The following AP1G1 variants were observed in gnomAD, a reference collection of about 807,000 sequenced individuals.
AP1G1 encodes the protein AP-1 complex subunit gamma-1.
In AP1G1, 7 loss-of-function variants were observed where a neutral mutation model predicts 108.3. The observed-to-expected ratio is 0.06, with a 90% CI of 0.04 to 0.12. The LOEUF (loss-of-function observed/expected upper bound fraction) is 0.12. AP1G1 is among the 10% of genes least tolerant of loss of function. The pLI is 1.00. For missense variants in AP1G1, 756 were observed against 1,010.7 expected (o/e 0.75, Z 3.42); for synonymous variants, 379 against 353.5 (o/e 1.07, Z -0.81).
intron 1 of AP1G1, among the ~76,000 whole-genome samples, chr16:71,798,019 G>A (rs934396542): frequency 1.6e-4 from 24 of 152,084 alleles, no homozygotes; most frequent in African/African-American, 5.6e-4. Context: ...AATAAAATAC[G>A]TAGGAATAAA....
At chr16:71,772,919 T>C in intron 4 of AP1G1, 1 of 412,644 alleles carries the variant, frequency 2.4e-6, no homozygotes, top group Non-Finnish European at 4.6e-6. Flanking sequence ...GTATTAATTA[T>C]TAGGACAAAA....
chr16:71,808,408 C>T (rs1271329658), intron 1 of AP1G1: 1 of 1,087,374 alleles, frequency 9.2e-7, no homozygotes, highest in Non-Finnish European at 1.2e-6. Flanking sequence ...AGAGAAGACA[C>T]GCGGGGGTGG....
chr16:71,760,464 G>A, intron 10 of AP1G1, among the ~76,000 whole-genome samples: 1 of 150,766 alleles, frequency 6.6e-6, no homozygotes, highest in Non-Finnish European at 1.5e-5. Flanking sequence ...AGAATCGCTT[G>A]AACTCGGGAG....
intron 2 of AP1G1, among the ~76,000 whole-genome samples, chr16:71,779,122 A>G (rs1445714211): frequency 6.6e-6 from 1 of 152,204 alleles, no homozygotes; most frequent in Admixed American, 6.5e-5. Context: ...CTAGTCAGCC[A>G]TTAGCAACAA....
rs766177044 is a variant in AP1G1 at position 71,758,947 on chromosome 16, A to C, written c.975-26T>G. On this transcript the variant is annotated intron_variant, in intron 10 of 22. Transcript: ENST00000299980. ...CTGGATGAAACAGTTGCAAAATAAC[A>C]GAGTTAAAATGTAAAATTCAGGATA... 3 of 1,350,802 alleles carry C rather than the reference A, an allele frequency of 2.2e-6. No homozygotes were observed. The African/African-American group carries it at 4.4e-5, about 20-fold the overall frequency. The allele number at this position is 1,350,802 out of a possible 1,614,324, so 83.7% of individuals were successfully genotyped here.
At chr16:71,768,015 C>A in intron 6 of AP1G1, 7 of 1,006,214 alleles carry the variant, frequency 7.0e-6, no homozygotes, top group Admixed American at 4.6e-5. Flanking sequence ...GGAAAAAAAG[C>A]CAAAAAAGAA....
chr16:71,740,373 T>C (rs765859475), intron 19 of AP1G1, among the ~76,000 whole-genome samples: 2 of 152,190 alleles, frequency 1.3e-5, no homozygotes, highest in Admixed American at 1.3e-4. Flanking sequence ...TCTTCCCCAG[T>C]TGAGAACCGA....
chr16:71,808,339 G>A (rs1011833995), intron 1 of AP1G1: 8 of 781,274 alleles, frequency 1.0e-5, no homozygotes, highest in African/African-American at 7.4e-5. Context: ...TGGATATGCT[G>A]GGAGTTATCT....
chr16:71,742,040 A>G (rs1196179801), intron 19 of AP1G1, among the ~76,000 whole-genome samples: 7 of 152,236 alleles, frequency 4.6e-5, no homozygotes, highest in Non-Finnish European at 1.0e-4. Context: ...TAAGAAATCT[A>G]GAATTCAAAA....
rs1228985274 is a variant in AP1G1 at position 71,769,714 on chromosome 16, C to G, written c.566-15G>C. ...GTGGAGGACACCTGAAAGAAAAGATCAAAGGAAAACTAAAAATGAGGCCTA... is the reference window on the plus strand; with the variant it reads ...GTGGAGGACACCTGAAAGAAAAGATGAAAGGAAAACTAAAAATGAGGCCTA... On this transcript the variant is annotated splice_polypyrimidine_tract_variant and intron_variant, in intron 5 of 22. Coordinates refer to ENST00000299980, the MANE Select transcript of AP1G1 (RefSeq NM_001128.6). 1 of 1,603,760 alleles carries G rather than the reference C, an allele frequency of 6.2e-7. No individual in the cohort carries two copies. The highest frequency in any genetic ancestry group is 1.7e-5 in the Admixed American group (1 of 59,780).
rs2031245464 is a variant in AP1G1, at chr16:71,764,788, G to A, written c.739-62C>T. 6.6e-6 allele frequency: 7 copies of A among 1,060,632 alleles called. No individual in the cohort carries two copies. In the South Asian group the frequency reaches 9.9e-5, roughly 15 times the overall value. 65.7% of individuals were successfully genotyped at this position (1,060,632 alleles called of 1,614,324 possible). A position where few individuals can be genotyped will look rare whatever the true frequency, so the allele number is the denominator to read the frequency against. Reference sequence around the variant, plus strand: ...GTCTCACACAAAGAAATCTCACTTGGTATGAAATTCAAATAACTAAATGAA... The same window carrying A: ...GTCTCACACAAAGAAATCTCACTTGATATGAAATTCAAATAACTAAATGAA... On this transcript the variant is annotated intron_variant, in intron 7 of 22. Coordinates refer to ENST00000299980, the MANE Select transcript of AP1G1 (RefSeq NM_001128.6).
chr16:71,799,202 T>C (rs746491516), intron 1 of AP1G1, among the ~76,000 whole-genome samples: 17 of 152,164 alleles, frequency 1.1e-4, no homozygotes, highest in Non-Finnish European at 1.8e-4. Context: ...TACTGCTATT[T>C]GGGATGAAAA....
At chr16:71,755,936 G>A (rs1008561234) in intron 12 of AP1G1, 83 bp downstream of exon 12, 13 of 1,480,278 alleles carry the variant, frequency 8.8e-6, no homozygotes, top group South Asian at 1.3e-5. Context: ...GTGCCACCGC[G>A]CCCAGCCCCC....
At chr16:71,758,348 T>C (rs761048554) in intron 11 of AP1G1, 1 of 492,706 alleles carries the variant, frequency 2.0e-6, no homozygotes, top group East Asian at 5.6e-5. Flanking sequence ...CAGGATACAC[T>C]GTTCTAAGCA....
chr16:71,801,900 C>G (rs974898409), intron 1 of AP1G1, among the ~76,000 whole-genome samples: 1 of 135,468 alleles, frequency 7.4e-6, no homozygotes. Flanking sequence ...CCAGCCTGGG[C>G]GACAGGGCGA....
chr16:71,748,500 C>CA (rs2030303226), intron 15 of AP1G1, 122 bp from the exon 16 acceptor site: 21 of 1,168,318 alleles, frequency 1.8e-5, no homozygotes, highest in Non-Finnish European at 2.3e-5. Flanking sequence ...AAGCCTCTAA[C>CA]TCAACCTGTG....
Position 71,753,815 on chromosome 16 carries a change from C to G in AP1G1, c.1284+18G>C. 5 of 1,611,084 alleles carry G rather than the reference C, an allele frequency of 3.1e-6. No individual in the cohort carries two copies. The highest frequency in any genetic ancestry group is 3.4e-6 in the Non-Finnish European group (4 of 1,177,296). ...TATCCCAGCACTTCGTATATGCTGT[C>G]TGAAAGAAGCTACTTACCGTTGTCA... is the stretch of plus-strand genomic sequence containing the variant. On this transcript the variant is annotated intron_variant, in intron 13 of 22. Transcript: ENST00000299980.
rs773301161 is a variant in AP1G1, at chr16:71,764,463, C to G, written c.820-15G>C. ...TTAGTGGCAACCTGAAAAGACATAT[C>G]GAGGGCAGTACATAAGTGATAAAAA... is the stretch of plus-strand genomic sequence containing the variant. On this transcript the variant is annotated splice_polypyrimidine_tract_variant and intron_variant, in intron 8 of 22. Transcript: ENST00000299980. 5 of 1,529,576 alleles carry G rather than the reference C, an allele frequency of 3.3e-6. No homozygotes were observed. In the African/African-American group the frequency reaches 5.5e-5, roughly 17 times the overall value. The allele number at this position is 1,529,576 out of a possible 1,614,324, so 94.8% of individuals were successfully genotyped here.
At chr16:71,804,269 A>C (rs1296747833) in intron 1 of AP1G1, among the ~76,000 whole-genome samples, 2 of 151,860 alleles carry the variant, frequency 1.3e-5, no homozygotes, top group African/African-American at 4.8e-5. Context: ...GATGGTCTCG[A>C]TCTCCTGACC....
Sources: gnomAD v4.1 joint callset for allele counts (sites outside exome capture counted in the v4.1 genomes callset) on GRCh38, gnomAD v4.1.1 for gene constraint, MANE v1.5 for transcripts, NCBI Gene and HGNC (gene_info 2026-07-23, HGNC 2026-07-21) for gene names.